CNMD: variants seen among roughly 807,000 people sequenced by gnomAD.
CNMD encodes the protein chondromodulin.
Under a neutral mutation model 37.5 loss-of-function variants are expected in CNMD, and 30 were observed. The observed-to-expected ratio is 0.80, with a 90% CI of 0.60 to 1.09. CNMD has a LOEUF of 1.09. CNMD is among the 50% of genes least tolerant of loss of function. The pLI is 0.00. For synonymous variants in CNMD, 167 were observed against 148.2 expected (o/e 1.13, Z -0.92); for missense variants, 398 against 423.9 (o/e 0.94, Z 0.54).
chr13:52,708,826 A>G, intron 5 of CNMD, 124 bp from the exon 6 acceptor site: 1 of 702,196 alleles, frequency 1.4e-6, no homozygotes, highest in Non-Finnish European at 2.4e-6. Flanking sequence ...ATGGCTTAAA[A>G]TTTTTGTACT....
intron 5 of CNMD, among the ~76,000 whole-genome samples, chr13:52,710,882 A>C (rs1964280591): frequency 6.6e-6 from 1 of 152,082 alleles, no homozygotes; most frequent in Non-Finnish European, 1.5e-5. Context: ...GTAGGGAAGA[A>C]GCTCTTTCCC....
In CNMD at chr13:52,738,625, G is replaced by A. The variant is rs146083482; in HGVS notation, c.213+406C>T. ...ATATTCCTCCACTATCTTTGTCCTG[G>A]ATTTTAAACCCACAGCCTTTCTTAG... On this transcript the variant is annotated intron_variant, in intron 2 of 6. Coordinates refer to ENST00000377962, the MANE Select transcript of CNMD (RefSeq NM_007015.3). 8.8e-3 allele frequency among the ~76,000 whole-genome samples: 1,336 copies of A among 152,178 alleles called. 43 individuals are homozygous for A. Among genetic ancestry groups the A allele is most frequent in the Admixed American group, 0.015 (229 of 15,292 alleles).
At chr13:52,725,545 G>A (rs1206938583) in intron 3 of CNMD, among the ~76,000 whole-genome samples, 5 of 152,040 alleles carry the variant, frequency 3.3e-5, no homozygotes, top group African/African-American at 7.2e-5. Context: ...GCACAGCCCC[G>A]ATTCTACCCA....
chr13:52,728,838 C>T (rs1431817381), intron 3 of CNMD, among the ~76,000 whole-genome samples: 1 of 152,128 alleles, frequency 6.6e-6, no homozygotes, highest in Non-Finnish European at 1.5e-5. Flanking sequence ...CTGAAACCCC[C>T]ATGGGGTAGG....
At chr13:52,713,186 T>C (rs988006583) in intron 4 of CNMD, among the ~76,000 whole-genome samples, 4 of 152,172 alleles carry the variant, frequency 2.6e-5, no homozygotes, top group African/African-American at 9.6e-5. Context: ...TCAAAGATGT[T>C]TTTGAGGAAA....
intron 3 of CNMD, among the ~76,000 whole-genome samples, chr13:52,728,355 C>T (rs903329733): frequency 2.2e-5 from 3 of 134,386 alleles, no homozygotes; most frequent in African/African-American, 8.5e-5. Flanking sequence ...TGCAGCCTGG[C>T]GACAGAGCGA....
At chr13:52,712,980 C>T in intron 4 of CNMD, 111 bp from the exon 5 acceptor site, 2 of 772,206 alleles carry the variant, frequency 2.6e-6, no homozygotes, top group South Asian at 4.7e-5. Flanking sequence ...AATGAGAATT[C>T]CGAGCATGCG....
intron 3 of CNMD, among the ~76,000 whole-genome samples, chr13:52,731,591 A>G (rs543064922): frequency 1.3e-5 from 2 of 152,380 alleles, no homozygotes; most frequent in South Asian, 4.1e-4. Flanking sequence ...CTATGAGAAC[A>G]AAACACAATC....
chr13:52,736,139 G>A (rs527422690), intron 2 of CNMD, among the ~76,000 whole-genome samples: 181 of 152,148 alleles, frequency 1.2e-3, no homozygotes, highest in African/African-American at 3.9e-3. Context: ...GACTGCAGGT[G>A]CCCGCCACCA....
chr13:52,706,273 T>C (rs1442894184), intron 6 of CNMD, among the ~76,000 whole-genome samples: 5 of 152,236 alleles, frequency 3.3e-5, no homozygotes, highest in African/African-American at 1.2e-4. Context: ...AGGGCTGATG[T>C]AATTCCTTGA....
chr13:52,710,424 G>A (rs1964272717), intron 5 of CNMD, among the ~76,000 whole-genome samples: 1 of 152,232 alleles, frequency 6.6e-6, no homozygotes, highest in Non-Finnish European at 1.5e-5. Context: ...TACCATGCCT[G>A]ACACACAGAG....
rs1964525283 is a variant in CNMD, at chr13:52,723,989, GTA to G, written c.468+6_468+7del. 6.4e-7 allele frequency: 1 copy of G among 1,567,362 alleles called. No homozygotes were observed. The highest frequency in any genetic ancestry group is 8.8e-7 in the Non-Finnish European group (1 of 1,137,650). ...CAGTCTCACTGTCTCAGGCATGTTG[GTA>G]CCCACCAGTTTGGAGGAGATGCTCT... On this transcript the variant is annotated splice_donor_region_variant and intron_variant, in intron 4 of 6. Transcript: ENST00000377962.
chr13:52,730,693 T>C lies in CNMD; in HGVS notation c.354+2526A>G, dbSNP rs574970844. On this transcript the variant is annotated intron_variant, in intron 3 of 6. Transcript: ENST00000377962. The stretch of plus-strand genomic sequence containing the variant: ...TATTCTTTCAATTTCTAAGGCTTTT[T>C]GTTATATAAATGGGGCATTCAGTCC... Among the ~76,000 whole-genome samples the C allele has an allele frequency of 1.8e-3, 273 of 152,320 alleles. 2 individuals are homozygous for C. Among genetic ancestry groups the C allele is most frequent in the African/African-American group, 6.1e-3 (255 of 41,558 alleles).
At position 52,739,762 on chromosome 13, in the gene CNMD, C is replaced by T. The variant is rs1161866577; in HGVS notation, c.-61G>A. 6.9e-7 allele frequency: 1 copy of T among 1,454,196 alleles called. No homozygotes were observed. Among genetic ancestry groups the T allele is most frequent in the South Asian group, 1.2e-5 (1 of 86,640 alleles). The allele number at this position is 1,454,196 out of a possible 1,614,324, so 90.1% of individuals were successfully genotyped here. A position where few individuals can be genotyped will look rare whatever the true frequency, so the allele number is the denominator to read the frequency against. The stretch of plus-strand genomic sequence containing the variant: ...CCTGGGCACCCTGGGATCTGTCCCG[C>T]TGCCCCGACGTGCAGGGCATTTCAA... On this transcript the variant is annotated 5_prime_UTR_variant, in exon 1 of 7. Coordinates refer to ENST00000377962, the MANE Select transcript of CNMD (RefSeq NM_007015.3). This position sits in a 1 kb window ranked among gnomAD's most constrained non-coding sequence, Gnocchi z 5.4.
At chr13:52,705,216 C>T (rs1043594503) in intron 6 of CNMD, among the ~76,000 whole-genome samples, 14 of 152,180 alleles carry the variant, frequency 9.2e-5, no homozygotes, top group Middle Eastern at 3.4e-3. Context: ...ATATGTCCAT[C>T]AAAGCAAAAC....
At position 52,736,664 on chromosome 13, in the gene CNMD, T is replaced by C. The variant is rs1406697987; in HGVS notation, c.213+2367A>G. Among the ~76,000 whole-genome samples, 12 of 152,350 alleles carry C rather than the reference T, an allele frequency of 7.9e-5. No homozygotes were observed. The South Asian group carries it at 2.5e-3, about 32-fold the overall frequency. ...TTTTATCCAAACAAGATGAAATTTA[T>C]TATTTGCCAAAATTCTGCTCAATAT... On this transcript the variant is annotated intron_variant, in intron 2 of 6. Coordinates refer to ENST00000377962, the MANE Select transcript of CNMD (RefSeq NM_007015.3).
Position 52,739,197 on chromosome 13 carries a change from C to T in CNMD, c.73-26G>A, listed in dbSNP as rs748371703. ...CTGCGGGCCGGGGCGGGAGAGGGAC[C>T]GTCGCGTTTGTGCCGCCAGCACCTG... On this transcript the variant is annotated intron_variant, in intron 1 of 6. Transcript: ENST00000377962. The surrounding 1 kb of genome is among the most constrained non-coding windows in gnomAD (Gnocchi z 5.4). The T allele has an allele frequency of 6.9e-7, 1 of 1,453,296 alleles. No homozygotes were observed. The highest frequency in any genetic ancestry group is 9.0e-7 in the Non-Finnish European group (1 of 1,107,536). The allele number at this position is 1,453,296 out of a possible 1,614,324, so 90.0% of individuals were successfully genotyped here.
intron 6 of CNMD, among the ~76,000 whole-genome samples, chr13:52,708,318 A>G (rs991073978): frequency 6.6e-6 from 1 of 151,830 alleles, no homozygotes; most frequent in South Asian, 2.1e-4. Context: ...AGTAGCTGGG[A>G]TTACAGGCGT....
At chr13:52,714,715 G>A (rs1422197145) in intron 4 of CNMD, among the ~76,000 whole-genome samples, 2 of 151,954 alleles carry the variant, frequency 1.3e-5, no homozygotes, top group African/African-American at 4.8e-5. Context: ...AAGAACTAAA[G>A]TTATGACAAT....
Sources: allele counts gnomAD v4.1 joint callset (sites outside exome capture counted in the v4.1 genomes callset), GRCh38; gene constraint gnomAD v4.1.1; non-coding constraint Gnocchi (gnomAD v3.1); transcripts MANE v1.5; gene names NCBI Gene and HGNC (gene_info 2026-07-23, HGNC 2026-07-21).